The following INVS variants were observed in gnomAD, a reference collection of about 807,000 sequenced individuals.
INVS encodes inversin, also known as inversion of embryo turning homolog.
A neutral mutation model predicts 108.8 loss-of-function variants in INVS; 86 were observed. The ratio of observed to expected loss-of-function variants is 0.79; its 90% CI spans 0.66 to 0.95. The LOEUF is 0.95. Among genes scored for constraint, INVS ranks in the 40% least tolerant of loss-of-function variants. The probability of loss-of-function intolerance (pLI) is 0.00; values close to 1 mark genes in which losing one functional copy is unlikely to be tolerated. For synonymous variants in INVS, 455 were observed against 473.5 expected, an observed-to-expected ratio of 0.96 and a Z score of 0.51; for missense variants, 1,169 against 1,297.4, an observed-to-expected ratio of 0.90 and a Z score of 1.52.
chr9:100,229,736 T>G lies in INVS; in HGVS notation c.524T>G (p.Ile175Ser). The change falls in exon 5 of 17, where the codon ATT becomes AGT. Residue 175 changes from isoleucine (I) to serine (S), a missense_variant. Physicochemically the swap from Ile to Ser is moderately radical, Grantham distance 142. This residue lies in a region of INVS where 365 missense variants were observed against 397.5 expected (regional missense o/e 0.92). Coordinates refer to ENST00000262457, the MANE Select transcript of INVS (RefSeq NM_014425.5). ...VKLLIKHDSN[I>S]GIPDVEGKIP... ...CTGCTCATCAAGCATGATTCTAACA[T>G]TGGGATTCCTGATGTTGAAGGCAAG... 1 of 1,614,006 alleles carries G rather than the reference T, an allele frequency of 6.2e-7. No individual in the cohort carries two copies. The highest frequency in any genetic ancestry group is 8.5e-7 in the Non-Finnish European group (1 of 1,179,884).
chr9:100,218,771 G>C (rs149527233), intron 3 of INVS, among the ~76,000 whole-genome samples: 71 of 152,272 alleles, frequency 4.7e-4, no homozygotes, highest in African/African-American at 1.6e-3. Context: ...TGTTTATCTA[G>C]AGAAATGGCA....
intron 3 of INVS, among the ~76,000 whole-genome samples, chr9:100,208,725 T>C (rs112121765): frequency 6.6e-6 from 1 of 152,220 alleles, no homozygotes; most frequent in Non-Finnish European, 1.5e-5. Context: ...TATTAAAATA[T>C]GATGTTTTAA....
chr9:100,169,866 T>C (rs963058219), intron 3 of INVS, among the ~76,000 whole-genome samples: 1 of 152,168 alleles, frequency 6.6e-6, no homozygotes, highest in African/African-American at 2.4e-5. Flanking sequence ...CAAAAAATAC[T>C]CCAAAAGAAC....
intron 3 of INVS, among the ~76,000 whole-genome samples, chr9:100,137,145 T>C (rs1333495581): frequency 2.0e-5 from 3 of 152,172 alleles, no homozygotes; most frequent in Non-Finnish European, 4.4e-5. Context: ...TTCTTGACAA[T>C]CAATTATAAA....
chr9:100,279,737 C>T (rs1588142513), intron 12 of INVS, among the ~76,000 whole-genome samples: 4 of 152,308 alleles, frequency 2.6e-5, no homozygotes, highest in Middle Eastern at 3.4e-3. Flanking sequence ...AATCACATCT[C>T]TCAGACCTCA....
At chr9:100,291,278 G>A (rs1833606011) in intron 13 of INVS, among the ~76,000 whole-genome samples, 1 of 151,994 alleles carries the variant, frequency 6.6e-6, no homozygotes, top group African/African-American at 2.4e-5. Flanking sequence ...TGGTCAGGCT[G>A]GTCTCAAACT....
chr9:100,282,082 T>G (rs1667869391), intron 12 of INVS, among the ~76,000 whole-genome samples: 1 of 152,198 alleles, frequency 6.6e-6, no homozygotes, highest in Non-Finnish European at 1.5e-5. Context: ...AATATCATTC[T>G]CTTAAAACAG....
intron 3 of INVS, among the ~76,000 whole-genome samples, chr9:100,205,217 A>G (rs1830639225): frequency 6.6e-6 from 1 of 152,164 alleles, no homozygotes; most frequent in Non-Finnish European, 1.5e-5. Context: ...TGTTTTCTCA[A>G]CTGCCTTTGT....
At chr9:100,206,953 T>C (rs568165489) in intron 3 of INVS, among the ~76,000 whole-genome samples, 22 of 152,334 alleles carry the variant, frequency 1.4e-4, no homozygotes, top group Admixed American at 1.2e-3. Context: ...TATGCACTTT[T>C]GGTAAGAATA....
At chr9:100,110,627 C>G (rs964841276) in intron 2 of INVS, among the ~76,000 whole-genome samples, 1 of 151,808 alleles carries the variant, frequency 6.6e-6, no homozygotes. Context: ...CTCCTCAGAA[C>G]AAAAATATAT....
Position 100,198,647 on chromosome 9 carries a change from C to T in INVS, c.274-27415C>T, listed in dbSNP as rs372900895. Reference sequence around the variant, plus strand: ...CTTGCTCTGTCGCCAGGCTGGAGTGCAGTGGCATGATCTCGGCTCACTGCA... The same window carrying T: ...CTTGCTCTGTCGCCAGGCTGGAGTGTAGTGGCATGATCTCGGCTCACTGCA... On this transcript the variant is annotated intron_variant, in intron 3 of 16. Coordinates refer to ENST00000262457, the MANE Select transcript of INVS (RefSeq NM_014425.5). Among the ~76,000 whole-genome samples, 157 of 150,896 alleles carry T rather than the reference C, an allele frequency of 1.0e-3. 4 individuals are homozygous for T. The South Asian group carries it at 0.031, about 30-fold the overall frequency.
chr9:100,243,445 T>C (rs1831943545), intron 7 of INVS, among the ~76,000 whole-genome samples: 1 of 152,196 alleles, frequency 6.6e-6, no homozygotes, highest in Admixed American at 6.5e-5. Flanking sequence ...TTACTACTAG[T>C]GTTGATAATT....
At chr9:100,173,911 T>C (rs1443580557) in intron 3 of INVS, among the ~76,000 whole-genome samples, 1 of 152,240 alleles carries the variant, frequency 6.6e-6, no homozygotes, top group Non-Finnish European at 1.5e-5. Context: ...ATTTAGCTGC[T>C]GCCTGCCTAT....
At chr9:100,225,990 A>T in intron 3 of INVS, 72 bp from the exon 4 acceptor site, 1 of 1,080,102 alleles carries the variant, frequency 9.3e-7, no homozygotes, top group Non-Finnish European at 1.4e-6. Context: ...CATACTTAAA[A>T]CATTTTAAAA....
chr9:100,252,577 G>A (rs1012469520), intron 9 of INVS, 139 bp downstream of exon 9: 6 of 856,622 alleles, frequency 7.0e-6, no homozygotes, highest in Middle Eastern at 3.3e-4. Context: ...CATGGCATGA[G>A]GAACCTCAAG....
intron 2 of INVS, chr9:100,116,887 G>T: frequency 2.4e-6 from 3 of 1,262,864 alleles, no homozygotes; most frequent in South Asian, 2.5e-5. Context: ...GGGTCAGGTA[G>T]CTGTAGGTCT....
intron 3 of INVS, among the ~76,000 whole-genome samples, chr9:100,180,108 C>T (rs1041360921): frequency 5.9e-5 from 9 of 152,178 alleles, no homozygotes; most frequent in Middle Eastern, 3.4e-3. Flanking sequence ...AAAGACACAA[C>T]GTGCTAGAAT....
intron 3 of INVS, among the ~76,000 whole-genome samples, chr9:100,153,980 A>T (rs1339622828): frequency 1.3e-5 from 2 of 152,248 alleles, no homozygotes; most frequent in African/African-American, 4.8e-5. Context: ...GCATTGGTAT[A>T]ACGCTTATGG....
In INVS at chr9:100,109,938, ATTAC is replaced by A. The variant is rs1827292185; in HGVS notation, c.106+5312_106+5315del. Among the ~76,000 whole-genome samples the A allele has an allele frequency of 2.6e-5, 4 of 152,250 alleles. No homozygotes were observed. In the South Asian group the frequency reaches 8.3e-4, roughly 32 times the overall value. On this transcript the variant is annotated intron_variant, in intron 2 of 16. Transcript: ENST00000262457. ...CGCCTCGGCCTCCCGAAGTGCTGGG[ATTAC>A]AAGCCTGAGCCACTGCGCCCGGCCT...
Sources: gnomAD v4.1 joint callset for allele counts (sites outside exome capture counted in the v4.1 genomes callset) on GRCh38, gnomAD v4.1.1 for gene constraint, gnomAD v4.1.1 regional missense constraint, MANE v1.5 for transcripts, NCBI Gene and HGNC (gene_info 2026-07-23, HGNC 2026-07-21) for gene names.